Variants in DPYS observed in about 807,000 individuals in gnomAD.
DPYS encodes the protein dihydropyrimidinase, also known as dihydropyrimidine amidohydrolase.
In DPYS, 39 loss-of-function variants were observed where a neutral mutation model predicts 50.3. The ratio of observed to expected loss-of-function variants is 0.78; its 90% CI spans 0.60 to 1.01. The LOEUF (loss-of-function observed/expected upper bound fraction) is 1.01. DPYS is among the 50% of genes least tolerant of loss of function. The pLI, the probability that DPYS is intolerant of heterozygous loss-of-function variation, is 0.00. For synonymous variants in DPYS, 245 were observed against 250.7 expected, an observed-to-expected ratio of 0.98 and a Z score of 0.22; for missense variants, 659 against 680.9, an observed-to-expected ratio of 0.97 and a Z score of 0.36.
intron 1 of DPYS, among the ~76,000 whole-genome samples, chr8:104,452,515 G>C (rs1221726213): frequency 6.6e-6 from 1 of 152,124 alleles, no homozygotes; most frequent in Non-Finnish European, 1.5e-5. Flanking sequence ...TAAACCATAG[G>C]CTTGATAGGA....
intron 1 of DPYS, among the ~76,000 whole-genome samples, chr8:104,463,468 T>C (rs1814241781): frequency 6.6e-6 from 1 of 152,234 alleles, no homozygotes; most frequent in South Asian, 2.1e-4. Flanking sequence ...GAACATTATA[T>C]GTTTTTTCAA....
At chr8:104,386,700 T>G (rs898927422) in intron 8 of DPYS, among the ~76,000 whole-genome samples, 1 of 151,758 alleles carries the variant, frequency 6.6e-6, no homozygotes, top group Non-Finnish European at 1.5e-5. Flanking sequence ...CGATCTCAGC[T>G]CACTGCAACC....
Position 104,394,983 on chromosome 8 carries a change from A to AT in DPYS, c.1236-1993dup, listed in dbSNP as rs556535451. Among the ~76,000 whole-genome samples, 8 of 151,460 alleles carry AT rather than the reference A, an allele frequency of 5.3e-5. No individual in the cohort carries two copies. The East Asian group carries it at 1.2e-3, about 22-fold the overall frequency. ...ATATGACCACTTTGATGAAACTAAGATTTTTTTTAATTTTAATTTTTAGTT... is the reference window on the plus strand; with the variant it reads ...ATATGACCACTTTGATGAAACTAAGATTTTTTTTTAATTTTAATTTTTAGTT... On this transcript the variant is annotated intron_variant, in intron 7 of 9. Coordinates refer to ENST00000351513, the MANE Select transcript of DPYS (RefSeq NM_001385.3).
intron 4 of DPYS, among the ~76,000 whole-genome samples, chr8:104,431,912 G>A (rs1812969768): frequency 6.6e-6 from 1 of 152,180 alleles, no homozygotes; most frequent in African/African-American, 2.4e-5. Context: ...ACTTGGGAAA[G>A]AGCATGTATT....
chr8:104,451,379 A>G lies in DPYS; in HGVS notation c.290T>C (p.Met97Thr), dbSNP rs762600748. The change falls in exon 2 of 10, where the codon ATG (methionine) becomes ACG (threonine). Residue 97 changes from methionine to threonine, a missense_variant. Transcript: ENST00000351513. ...TKAALSGGTTMIIDFAIPQKG... is the reference protein window; with the variant it reads ...TKAALSGGTTTIIDFAIPQKG... ...CTGAGGAATGGCGAAATCAATAATC[A>G]TGGTGGTGCCTCCTGAGAGAGCAGC... 6 of 1,614,150 alleles carry G rather than the reference A, an allele frequency of 3.7e-6. No individual in the cohort carries two copies. Among genetic ancestry groups the G allele is most frequent in the Non-Finnish European group, 4.2e-6 (5 of 1,180,002 alleles).
At position 104,466,984 on chromosome 8, in the gene DPYS, G is replaced by A; in HGVS notation, c.-64C>T. The A allele has an allele frequency of 7.3e-7, 1 of 1,364,348 alleles. No homozygotes were observed. Among genetic ancestry groups the A allele is most frequent in the Non-Finnish European group, 9.4e-7 (1 of 1,065,382 alleles). 84.5% of individuals were successfully genotyped at this position (1,364,348 alleles called of 1,614,324 possible). On this transcript the variant is annotated 5_prime_UTR_variant, in exon 1 of 10. Coordinates refer to ENST00000351513, the MANE Select transcript of DPYS (RefSeq NM_001385.3). ...GCGCAGGGGCTGGGTTGGGCGGGCC[G>A]GGCGGGCTTGGGGTGCCCTCCTGCA...
rs140451832 is a variant in DPYS, at chr8:104,434,731, C to T, written c.794-5030G>A. Among the ~76,000 whole-genome samples the T allele has an allele frequency of 2.7e-3, 404 of 152,248 alleles. 2 individuals are homozygous for T. The highest frequency in any genetic ancestry group is 4.2e-3 in the Non-Finnish European group (287 of 68,026). ...ATCTTAGCAAATCTAATGCCTAGAG[C>T]ACAGTACCTAGCATGCGCTTGGCAT... On this transcript the variant is annotated intron_variant, in intron 4 of 9. Transcript: ENST00000351513.
At chr8:104,382,373 G>A (rs1300813033) in intron 8 of DPYS, among the ~76,000 whole-genome samples, 1 of 152,074 alleles carries the variant, frequency 6.6e-6, no homozygotes, top group Non-Finnish European at 1.5e-5. Context: ...TTGGCTCACT[G>A]TCTACTCAGT....
At chr8:104,448,295 A>C (rs1222743476) in intron 2 of DPYS, among the ~76,000 whole-genome samples, 2 of 151,728 alleles carry the variant, frequency 1.3e-5, no homozygotes, top group Non-Finnish European at 2.9e-5. Context: ...AGCTGGGATT[A>C]CAGGCGTGCA....
intron 7 of DPYS, among the ~76,000 whole-genome samples, chr8:104,421,961 T>G (rs1812563955): frequency 6.6e-6 from 1 of 152,170 alleles, no homozygotes; most frequent in Admixed American, 6.5e-5. Context: ...CCTATAAATA[T>G]CCTCCAAGCA....
chr8:104,381,414 T>C, intron 8 of DPYS, 100 bp from the exon 9 acceptor site: 1 of 1,129,392 alleles, frequency 8.9e-7, no homozygotes, highest in Admixed American at 1.7e-5. Flanking sequence ...AAAAAAAGAA[T>C]CTTATAAATT....
chr8:104,390,086 G>A (rs1243921634), intron 8 of DPYS, among the ~76,000 whole-genome samples: 1 of 152,188 alleles, frequency 6.6e-6, no homozygotes, highest in Non-Finnish European at 1.5e-5. Flanking sequence ...TGTTAGTCTA[G>A]CGCCCCTTCT....
intron 4 of DPYS, among the ~76,000 whole-genome samples, chr8:104,434,562 T>C (rs1455127914): frequency 4.6e-5 from 7 of 152,204 alleles, no homozygotes; most frequent in African/African-American, 1.7e-4. Flanking sequence ...TACAAAGATA[T>C]GCCTATTAAG....
chr8:104,393,929 A>G (rs927681112), intron 7 of DPYS, among the ~76,000 whole-genome samples: 3 of 152,118 alleles, frequency 2.0e-5, no homozygotes, highest in African/African-American at 7.2e-5. Context: ...CGCTGAACCC[A>G]ATGTATAGTC....
chr8:104,399,317 C>A (rs13258070), intron 7 of DPYS, among the ~76,000 whole-genome samples: 105,823 of 124,918 alleles, frequency 0.85, 44,744 homozygotes, highest in Non-Finnish European at 0.9. Context: ...AAAACAACAA[C>A]AAAAAAAAAC....
At chr8:104,435,742 T>C (rs934937166) in intron 4 of DPYS, among the ~76,000 whole-genome samples, 6 of 152,106 alleles carry the variant, frequency 3.9e-5, no homozygotes, top group African/African-American at 1.2e-4. Context: ...TTGGATGCAC[T>C]GAATATTGCC....
At chr8:104,452,054 G>A (rs1034908183) in intron 1 of DPYS, among the ~76,000 whole-genome samples, 6 of 152,090 alleles carry the variant, frequency 3.9e-5, no homozygotes, top group Admixed American at 3.9e-4. Flanking sequence ...TATTTCCAAA[G>A]CAAAAATGTA....
intron 4 of DPYS, among the ~76,000 whole-genome samples, chr8:104,436,824 G>A (rs1200226499): frequency 6.6e-6 from 1 of 151,962 alleles, no homozygotes; most frequent in Non-Finnish European, 1.5e-5. Context: ...GTAAGACTAT[G>A]TCTTTATATA....
At chr8:104,415,940 A>C (rs1427778641) in intron 7 of DPYS, among the ~76,000 whole-genome samples, 19 of 152,164 alleles carry the variant, frequency 1.2e-4, no homozygotes, top group Admixed American at 1.2e-3. Flanking sequence ...ATCTATTACC[A>C]CTAACTGACT....
Sources: gnomAD v4.1 joint callset for allele counts (sites outside exome capture counted in the v4.1 genomes callset) on GRCh38, gnomAD v4.1.1 for gene constraint, MANE v1.5 for transcripts, NCBI Gene and HGNC (gene_info 2026-07-23, HGNC 2026-07-21) for gene names.